SERPINE2: variants seen among roughly 807,000 people sequenced by gnomAD.
SERPINE2 encodes glia-derived nexin.
Under a neutral mutation model 36.3 loss-of-function variants are expected in SERPINE2, and 14 were observed. The ratio of observed to expected loss-of-function variants is 0.39; its 90% CI spans 0.25 to 0.60. SERPINE2 has a LOEUF of 0.60. SERPINE2 is among the 20% of genes least tolerant of loss of function. The pLI is 0.57. For missense variants in SERPINE2, 418 were observed against 499.6 expected (o/e 0.84, Z 1.56); for synonymous variants, 192 against 191.8 (o/e 1.00, Z -0.01).
At chr2:223,976,026 C>T (rs1574803279) in intron 8 of SERPINE2, 122 bp from the exon 9 acceptor site, 1 of 769,470 alleles carries the variant, frequency 1.3e-6, no homozygotes, top group East Asian at 2.8e-5. Flanking sequence ...CAGTAGTGTC[C>T]AGTATAACTT....
At chr2:224,008,229 G>A (rs983801184) in intron 1 of SERPINE2, among the ~76,000 whole-genome samples, 8 of 152,164 alleles carry the variant, frequency 5.3e-5, no homozygotes, top group African/African-American at 1.9e-4. Context: ...TACTTATGAT[G>A]ACCGCCTAAG....
intron 7 of SERPINE2, chr2:223,978,863 T>G (rs1690115353): frequency 6.6e-6 from 1 of 152,218 alleles, no homozygotes; most frequent in Non-Finnish European, 1.5e-5. Flanking sequence ...TTGGAGATAA[T>G]GCCTTTGAGG....
chr2:224,025,817 G>T (rs1293360186), intron 1 of SERPINE2, among the ~76,000 whole-genome samples: 3 of 152,100 alleles, frequency 2.0e-5, no homozygotes, highest in African/African-American at 7.2e-5. Context: ...TGCCCTCAGA[G>T]GCAAAAATAT....
Position 223,975,642 on chromosome 2 carries a change from G to A in SERPINE2, c.*225C>T, listed in dbSNP as rs544610778. On this transcript the variant is annotated 3_prime_UTR_variant, in exon 9 of 9. Transcript: ENST00000409304. The stretch of plus-strand genomic sequence containing the variant: ...TAAAGAATCTTTTAGACATCTGGAA[G>A]CCTTTCTATTCATTCCTCAGTACAG... The A allele has an allele frequency of 9.7e-4, 389 of 399,012 alleles. No individual in the cohort carries two copies. Among genetic ancestry groups the A allele is most frequent in the East Asian group, 2.2e-3 (62 of 28,284 alleles). 24.7% of individuals were successfully genotyped at this position (399,012 alleles called of 1,614,324 possible). A position where few individuals can be genotyped will look rare whatever the true frequency, so the allele number is the denominator to read the frequency against.
Position 223,993,533 on chromosome 2 carries a change from T to C in SERPINE2, c.488-1533A>G, listed in dbSNP as rs957021547. Among the ~76,000 whole-genome samples the C allele has an allele frequency of 4.5e-4, 6 of 13,322 alleles. No homozygotes were observed. In the East Asian group the frequency reaches 9.1e-3, roughly 20 times the overall value. The allele number at this position is 13,322 out of a possible 152,430, so 8.7% of individuals were successfully genotyped here. A position where few individuals can be genotyped will look rare whatever the true frequency, so the allele number is the denominator to read the frequency against. On this transcript the variant is annotated intron_variant, in intron 3 of 8. Transcript: ENST00000409304. ...ACTGCATTATTAGCTCAAATATATGTGTGTGTGTGTGTGTGTGTGTGTGTG... is the reference window on the plus strand; with the variant it reads ...ACTGCATTATTAGCTCAAATATATGCGTGTGTGTGTGTGTGTGTGTGTGTG...
At chr2:223,984,148 C>A (rs1305556273) in intron 5 of SERPINE2, among the ~76,000 whole-genome samples, 2 of 151,940 alleles carry the variant, frequency 1.3e-5, no homozygotes, top group African/African-American at 4.8e-5. Context: ...AGAAAGGGAA[C>A]AACATTCATT....
At chr2:224,017,886 C>T (rs1691852576) in intron 1 of SERPINE2, among the ~76,000 whole-genome samples, 1 of 152,250 alleles carries the variant, frequency 6.6e-6, no homozygotes, top group South Asian at 2.1e-4. Flanking sequence ...TACAGTCCAG[C>T]TTAACATTTC....
intron 5 of SERPINE2, among the ~76,000 whole-genome samples, chr2:223,984,352 A>G (rs1229678481): frequency 6.6e-6 from 1 of 152,254 alleles, no homozygotes; most frequent in Non-Finnish European, 1.5e-5. Flanking sequence ...ATAAATAACT[A>G]AAATGAAGCT....
chr2:224,010,481 G>T, intron 1 of SERPINE2: 1 of 521,578 alleles, frequency 1.9e-6, no homozygotes, highest in Non-Finnish European at 2.5e-6. Context: ...TCTTTGGGTT[G>T]ATGGGAAAAG....
At chr2:224,008,773 A>G (rs1445116204) in intron 1 of SERPINE2, among the ~76,000 whole-genome samples, 3 of 152,244 alleles carry the variant, frequency 2.0e-5, no homozygotes, top group Non-Finnish European at 4.4e-5. Flanking sequence ...AAACTGTGGA[A>G]ATGCTGAGCA....
chr2:224,027,232 G>C (rs909361813), intron 1 of SERPINE2, among the ~76,000 whole-genome samples: 5 of 152,108 alleles, frequency 3.3e-5, no homozygotes, highest in Non-Finnish European at 7.4e-5. Context: ...CCCTAATCTC[G>C]CATAGGAGGA....
chr2:224,006,146 C>G (rs1293818299), intron 1 of SERPINE2, among the ~76,000 whole-genome samples: 3 of 152,216 alleles, frequency 2.0e-5, no homozygotes, highest in Non-Finnish European at 2.9e-5. Flanking sequence ...AACCCACTCT[C>G]TATAGACCCA....
chr2:224,002,658 ATT>A (rs11418943), intron 1 of SERPINE2, among the ~76,000 whole-genome samples: 1 of 116,522 alleles, frequency 8.6e-6, no homozygotes, highest in African/African-American at 3.3e-5. Flanking sequence ...TCGTCTGGCA[ATT>A]TTTTTTTTTT....
At chr2:224,010,728 T>C (rs1273489394) in intron 1 of SERPINE2, among the ~76,000 whole-genome samples, 1 of 152,214 alleles carries the variant, frequency 6.6e-6, no homozygotes, top group African/African-American at 2.4e-5. Flanking sequence ...GGAAATTCAA[T>C]AGGTGCAAAC....
At chr2:224,020,098 A>T (rs1370218668) in intron 1 of SERPINE2, among the ~76,000 whole-genome samples, 1 of 152,156 alleles carries the variant, frequency 6.6e-6, no homozygotes, top group Non-Finnish European at 1.5e-5. Flanking sequence ...TGAATCACAC[A>T]AGTAATGATG....
At chr2:223,994,509 C>A (rs1690802882) in intron 3 of SERPINE2, among the ~76,000 whole-genome samples, 1 of 152,208 alleles carries the variant, frequency 6.6e-6, no homozygotes, top group Non-Finnish European at 1.5e-5. Context: ...TGGATACCTA[C>A]CTGCCTACCA....
At chr2:224,013,538 T>C (rs1047191966) in intron 1 of SERPINE2, among the ~76,000 whole-genome samples, 7 of 152,144 alleles carry the variant, frequency 4.6e-5, no homozygotes, top group African/African-American at 1.7e-4. Context: ...CTGGATAAAA[T>C]TGGTTTAGAA....
rs955165141 is a variant in SERPINE2 at position 224,000,698 on chromosome 2, C to T, written c.259+944G>A. Reference sequence around the variant, plus strand: ...CTTTCCCTCCCCTTGCCTTCCACCCCTCGACAGGCCCCAGTGTGTGATGTT... The same window carrying T: ...CTTTCCCTCCCCTTGCCTTCCACCCTTCGACAGGCCCCAGTGTGTGATGTT... On this transcript the variant is annotated intron_variant, in intron 2 of 8. Coordinates refer to ENST00000409304, the MANE Select transcript of SERPINE2 (RefSeq NM_001136528.2). Among the ~76,000 whole-genome samples the T allele has an allele frequency of 2.6e-5, 4 of 152,222 alleles. No individual in the cohort carries two copies. In the East Asian group the frequency reaches 7.7e-4, roughly 29 times the overall value.
intron 1 of SERPINE2, among the ~76,000 whole-genome samples, chr2:224,033,340 G>A (rs1692437972): frequency 6.6e-6 from 1 of 152,114 alleles, no homozygotes; most frequent in Non-Finnish European, 1.5e-5. Context: ...ATATAATGCT[G>A]AATGATTTTA....
Sources: allele counts gnomAD v4.1 joint callset (sites outside exome capture counted in the v4.1 genomes callset), GRCh38; gene constraint gnomAD v4.1.1; transcripts MANE v1.5; gene names NCBI Gene and HGNC (gene_info 2026-07-23, HGNC 2026-07-21).